Variants in KLC4 observed in about 807,000 individuals in gnomAD.
KLC4 encodes the protein kinesin light chain 4, also known as kinesin-like protein 8.
In KLC4, 49 loss-of-function variants were observed where a neutral mutation model predicts 77.2. The ratio of observed to expected loss-of-function variants is 0.63; its 90% CI spans 0.50 to 0.80. The LOEUF is 0.80. Ranked by LOEUF, KLC4 falls within the 30% of genes least tolerant of loss-of-function variation. The pLI, the probability that KLC4 is intolerant of heterozygous loss-of-function variation, is 0.00. For missense variants in KLC4, 669 were observed against 793.5 expected (o/e 0.84, Z 1.89); for synonymous variants, 274 against 314.5 (o/e 0.87, Z 1.36).
At chr6:43,067,577 G>A (rs944455940) in intron 6 of KLC4, among the ~76,000 whole-genome samples, 18 of 151,962 alleles carry the variant, frequency 1.2e-4, no homozygotes, top group Admixed American at 1.1e-3. Flanking sequence ...GGTGGATCAC[G>A]AGGTCAGGAG....
In KLC4 at chr6:43,066,306, T is replaced by C; in HGVS notation, c.572T>C (p.Leu191Ser). Residue 191 changes from leucine to serine, a missense_variant and splice_region_variant, in exon 5 of 16, where the codon TTG becomes TCG. Leu to Ser is a moderately radical substitution (Grantham distance 145, BLOSUM62 -2). Coordinates refer to ENST00000347162, the MANE Select transcript of KLC4 (RefSeq NM_201521.3). Reference sequence around the variant, plus strand: ...TTGTTTATGTTCTGTGATGGTTTAGTGTCCCGTGGTCAAGGTGCTACAGCA... The same window carrying C: ...TTGTTTATGTTCTGTGATGGTTTAGCGTCCCGTGGTCAAGGTGCTACAGCA... Reference protein sequence around the residue: ...NEEEEDPSNGLSRGQGATAAQ... With the variant: ...NEEEEDPSNGSSRGQGATAAQ... 1 of 1,613,456 alleles carries C rather than the reference T, an allele frequency of 6.2e-7. No individual in the cohort carries two copies. The highest frequency in any genetic ancestry group is 1.1e-5 in the South Asian group (1 of 91,066).
intron 6 of KLC4, among the ~76,000 whole-genome samples, chr6:43,067,629 C>T (rs547459888): frequency 6.6e-6 from 1 of 150,464 alleles, no homozygotes; most frequent in East Asian, 2.0e-4. Flanking sequence ...CCCATCTCTA[C>T]TAAAAAAAAT....
In KLC4 at chr6:43,074,701, G is replaced by C; in HGVS notation, c.*29G>C. 1 of 1,598,516 alleles carries C rather than the reference G, an allele frequency of 6.3e-7. No individual in the cohort carries two copies. The highest frequency in any genetic ancestry group is 8.6e-7 in the Non-Finnish European group (1 of 1,165,808). On this transcript the variant is annotated 3_prime_UTR_variant, in exon 16 of 16. Transcript: ENST00000347162. ...TCAACCCGGCCCCCAGGTCTGCTGG[G>C]TCCCCCCACCCCCACAGCCCTCACA...
At chr6:43,067,127 A>T in intron 6 of KLC4, 44 bp downstream of exon 6, 1 of 905,040 alleles carries the variant, frequency 1.1e-6, no homozygotes, top group Non-Finnish European at 1.6e-6. Flanking sequence ...CGCACCCCCC[A>T]CCATTGCTGT....
At chr6:43,064,746 T>C (rs866721862) in intron 3 of KLC4, among the ~76,000 whole-genome samples, 13 of 152,276 alleles carry the variant, frequency 8.5e-5, no homozygotes, top group East Asian at 1.9e-4. Context: ...ATGAATTGCA[T>C]AGGACACATT....
chr6:43,063,369 A>C (rs1421548357), intron 3 of KLC4, among the ~76,000 whole-genome samples: 1 of 152,208 alleles, frequency 6.6e-6, no homozygotes, highest in East Asian at 1.9e-4. Flanking sequence ...CCTACTGTGT[A>C]CCAGGCATTG....
At position 43,074,756 on chromosome 6, in the gene KLC4, ACC is replaced by A; in HGVS notation, c.*87_*88del. ...TCCCCATTGCTCCTGGCTCTTCCCC[ACC>A]CCTAGGTGGGACAGTGAAGGGGAGC... On this transcript the variant is annotated 3_prime_UTR_variant, in exon 16 of 16. Transcript: ENST00000347162. 1 of 1,145,608 alleles carries A rather than the reference ACC, an allele frequency of 8.7e-7. No individual in the cohort carries two copies. 71.0% of individuals were successfully genotyped at this position (1,145,608 alleles called of 1,614,324 possible). A position where few individuals can be genotyped will look rare whatever the true frequency, so the allele number is the denominator to read the frequency against.
intron 6 of KLC4, 56 bp from the exon 7 acceptor site, chr6:43,070,298 T>A: frequency 8.1e-7 from 1 of 1,239,650 alleles, no homozygotes; most frequent in Non-Finnish European, 1.2e-6. Flanking sequence ...GAACCTCAGA[T>A]TCCCATAGGT....
chr6:43,067,162 C>T (rs1425113426), intron 6 of KLC4, 79 bp downstream of exon 6: 1 of 1,383,310 alleles, frequency 7.2e-7, no homozygotes, highest in South Asian at 1.2e-5. Context: ...GCTCATCCAT[C>T]TGCTGCCCTC....
At chr6:43,070,993 C>G (rs1330076009) in intron 8 of KLC4, 128 bp downstream of exon 8, 2 of 870,442 alleles carry the variant, frequency 2.3e-6, no homozygotes, top group Non-Finnish European at 3.5e-6. Context: ...GCACACTGCT[C>G]TCATCAACTT....
chr6:43,066,386 G>A lies in KLC4; in HGVS notation c.652G>A (p.Val218Met). The A allele has an allele frequency of 6.2e-7, 1 of 1,614,202 alleles. No individual in the cohort carries two copies. Among genetic ancestry groups the A allele is most frequent in the Non-Finnish European group, 8.5e-7 (1 of 1,180,040 alleles). ...AAGGTTGCGGACGTTGCACAACCTG[G>A]TGATCCAGTACGCAGCCCAAGGTCG... Reference protein sequence around the residue: ...PARLRTLHNLVIQYAAQGRYE... With the variant: ...PARLRTLHNLMIQYAAQGRYE... The change falls in exon 5 of 16, where the codon GTG becomes ATG. Residue 218 changes from valine to methionine, a missense_variant. Transcript: ENST00000347162.
At chr6:43,073,539 T>G in intron 14 of KLC4, 1 of 534,230 alleles carries the variant, frequency 1.9e-6, no homozygotes, top group East Asian at 3.3e-5. Context: ...CTCAGCTACT[T>G]GGGAGGCTGA....
chr6:43,073,849 A>C (rs1478202655), intron 14 of KLC4, 53 bp from the exon 15 acceptor site: 2 of 1,547,098 alleles, frequency 1.3e-6, no homozygotes, highest in Non-Finnish European at 1.8e-6. Context: ...CACAGCCTTA[A>C]GGCCACTCAG....
chr6:43,061,464 G>A lies in KLC4; in HGVS notation c.129G>A (p.Val43=), dbSNP rs754551399. Residue 43 remains valine, a synonymous_variant, in exon 2 of 16, where the codon GTG becomes GTA. Coordinates refer to ENST00000347162, the MANE Select transcript of KLC4 (RefSeq NM_201521.3). The part of the protein sequence containing the change: ...LEALRSEHQA[V]LQSLSQTIEC... The stretch of plus-strand genomic sequence containing the variant: ...CCCTACGCAGTGAACACCAGGCCGT[G>A]CTGCAAAGCCTGTCCCAGACCATTG... 2 of 1,614,070 alleles carry A rather than the reference G, an allele frequency of 1.2e-6. No homozygotes were observed. The highest frequency in any genetic ancestry group is 1.3e-5 in the African/African-American group (1 of 74,938).
chr6:43,073,665 A>G, intron 14 of KLC4: 1 of 568,548 alleles, frequency 1.8e-6, no homozygotes, highest in Non-Finnish European at 3.1e-6. Context: ...AAAAGAAAAA[A>G]AAAAAAGATA....
At chr6:43,072,528 A>G (rs182008122) in intron 12 of KLC4, among the ~76,000 whole-genome samples, 50 of 152,284 alleles carry the variant, frequency 3.3e-4, no homozygotes, top group African/African-American at 1.2e-3. Context: ...CCTGGGTGGT[A>G]TGGGTGAGAG....
At chr6:43,070,304 T>C (rs746752709) in intron 6 of KLC4, 50 bp from the exon 7 acceptor site, 24 of 1,311,624 alleles carry the variant, frequency 1.8e-5, no homozygotes, top group Non-Finnish European at 2.2e-5. Flanking sequence ...CAGATTCCCA[T>C]AGGTCTTTTG....
intron 11 of KLC4, 23 bp from the exon 12 acceptor site, chr6:43,072,124 C>T: frequency 6.3e-7 from 1 of 1,584,372 alleles, no homozygotes; most frequent in East Asian, 2.2e-5. Context: ...TCTCTTCCTT[C>T]TCTGGTCTCT....
intron 1 of KLC4, chr6:43,060,666 G>A (rs988748078): frequency 9.4e-7 from 1 of 1,067,972 alleles, no homozygotes; most frequent in Non-Finnish European, 1.1e-6. Flanking sequence ...CACAGTCTGA[G>A]TCCTGGGGGG....
Sources: gnomAD v4.1 joint callset for allele counts (sites outside exome capture counted in the v4.1 genomes callset) on GRCh38, gnomAD v4.1.1 for gene constraint, MANE v1.5 for transcripts, NCBI Gene and HGNC (gene_info 2026-07-23, HGNC 2026-07-21) for gene names.